CRADD: variants seen among roughly 807,000 people sequenced by gnomAD.
CRADD encodes the protein CARD and death domain containing adaptor protein.
A neutral mutation model predicts 15.5 loss-of-function variants in CRADD; 9 were observed. That is an observed-to-expected ratio of 0.58 (90% confidence interval 0.35 to 1.01). The LOEUF (loss-of-function observed/expected upper bound fraction) is 1.01. CRADD is among the 50% of genes least tolerant of loss of function. The pLI, the probability that CRADD is intolerant of heterozygous loss-of-function variation, is 0.02. For missense variants in CRADD, 227 were observed against 250.3 expected (o/e 0.91, Z 0.63); for synonymous variants, 118 against 107.6 (o/e 1.10, Z -0.60).
chr12:93,684,213 C>T (rs757741986), intron 2 of CRADD, among the ~76,000 whole-genome samples: 1 of 152,196 alleles, frequency 6.6e-6, no homozygotes, highest in Non-Finnish European at 1.5e-5. Flanking sequence ...AACCAGAGGT[C>T]CCCAGCCTTT....
chr12:93,715,963 GAAATACAA>G (rs1393938260), intron 2 of CRADD, among the ~76,000 whole-genome samples: 2 of 151,968 alleles, frequency 1.3e-5, no homozygotes, highest in African/African-American at 4.8e-5. Context: ...CCAACATGGT[GAAATACAA>G]AAATACAAAA....
At chr12:93,765,576 T>G (rs1362682734) in intron 2 of CRADD, among the ~76,000 whole-genome samples, 1 of 151,964 alleles carries the variant, frequency 6.6e-6, no homozygotes, top group East Asian at 1.9e-4. Flanking sequence ...TTATTGAGGG[T>G]GAGAGGGCAT....
intron 2 of CRADD, among the ~76,000 whole-genome samples, chr12:93,797,279 G>T (rs1188313601): frequency 6.6e-6 from 1 of 152,122 alleles, no homozygotes; most frequent in Non-Finnish European, 1.5e-5. Context: ...TCAACTAAAT[G>T]GCATAAAATT....
intron 2 of CRADD, among the ~76,000 whole-genome samples, chr12:93,734,143 C>T (rs747243886): frequency 4.5e-4 from 68 of 152,034 alleles, no homozygotes; most frequent in Middle Eastern, 3.4e-3. Flanking sequence ...TTCATCAGTC[C>T]ATCCATCTGT....
intron 2 of CRADD, among the ~76,000 whole-genome samples, chr12:93,749,429 G>A (rs921546161): frequency 6.6e-6 from 1 of 152,176 alleles, no homozygotes; most frequent in Non-Finnish European, 1.5e-5. Context: ...GCCCCTGAAG[G>A]TTTTTAGGAC....
intron 2 of CRADD, among the ~76,000 whole-genome samples, chr12:93,804,780 A>G (rs1957517929): frequency 6.6e-6 from 1 of 152,114 alleles, no homozygotes; most frequent in South Asian, 2.1e-4. Flanking sequence ...GGAGGAGGAA[A>G]GGATGTAGAC....
At chr12:93,695,669 G>A (rs986923552) in intron 2 of CRADD, among the ~76,000 whole-genome samples, 2 of 152,204 alleles carry the variant, frequency 1.3e-5, no homozygotes, top group South Asian at 4.1e-4. Flanking sequence ...TTGGGAGGCC[G>A]AGGTGGGTGG....
chr12:93,829,029 G>A (rs958176743), intron 2 of CRADD, among the ~76,000 whole-genome samples: 1 of 151,772 alleles, frequency 6.6e-6, no homozygotes, highest in African/African-American at 2.4e-5. Context: ...GAAGTTTATT[G>A]AAAACCCATC....
chr12:93,683,716 T>C (rs998372108), intron 2 of CRADD, among the ~76,000 whole-genome samples: 4 of 152,262 alleles, frequency 2.6e-5, no homozygotes, highest in African/African-American at 9.6e-5. Context: ...CTGAGATACA[T>C]TCTAGCTCTG....
intron 2 of CRADD, among the ~76,000 whole-genome samples, chr12:93,777,091 G>A (rs146875854): frequency 1.1e-4 from 16 of 152,328 alleles, no homozygotes; most frequent in Middle Eastern, 3.4e-3. Flanking sequence ...GCATGGTATA[G>A]GATGGAAAGG....
intron 2 of CRADD, among the ~76,000 whole-genome samples, chr12:93,823,999 C>G (rs754546255): frequency 6.6e-6 from 1 of 152,158 alleles, no homozygotes; most frequent in Non-Finnish European, 1.5e-5. Flanking sequence ...CCCAAACTGA[C>G]AAAATAATGA....
chr12:93,882,388 T>C (rs1593060246), intron 2 of CRADD, among the ~76,000 whole-genome samples: 1 of 129,698 alleles, frequency 7.7e-6, no homozygotes, highest in African/African-American at 3.1e-5. Flanking sequence ...GCCACTGTAC[T>C]CCAGCCAGGG....
rs185065755 is a variant in CRADD, at chr12:93,744,340, T to C, written c.298+65268T>C. 2.6e-5 allele frequency among the ~76,000 whole-genome samples: 4 copies of C among 152,290 alleles called. No homozygotes were observed. The East Asian group carries it at 7.7e-4, about 29-fold the overall frequency. On this transcript the variant is annotated intron_variant, in intron 2 of 2. Transcript: ENST00000332896. ...ACTAACTGCTGGCTGTTACCAAGGG[T>C]CTTCTAGAGGTTGCCCATCTACATC...
At chr12:93,686,758 G>A (rs1207095981) in intron 2 of CRADD, among the ~76,000 whole-genome samples, 4 of 152,174 alleles carry the variant, frequency 2.6e-5, no homozygotes, top group African/African-American at 9.7e-5. Context: ...GCTAGTTAAT[G>A]TAATTTATTA....
chr12:93,751,576 T>C (rs1487155650), intron 2 of CRADD, among the ~76,000 whole-genome samples: 4 of 152,178 alleles, frequency 2.6e-5, no homozygotes, highest in Non-Finnish European at 5.9e-5. Flanking sequence ...CTAAATCCTT[T>C]ATCTTGGGCC....
At chr12:93,702,006 C>T (rs1162950111) in intron 2 of CRADD, among the ~76,000 whole-genome samples, 1 of 151,864 alleles carries the variant, frequency 6.6e-6, no homozygotes, top group Non-Finnish European at 1.5e-5. Flanking sequence ...TGATCTTTCT[C>T]CATGTTTTAA....
chr12:93,703,978 CTT>C (rs71071759), intron 2 of CRADD, among the ~76,000 whole-genome samples: 1 of 90,278 alleles, frequency 1.1e-5, no homozygotes, highest in Non-Finnish European at 2.2e-5. Context: ...TGGAGCCTTT[CTT>C]TTTTTTTTTT....
At chr12:93,700,896 A>G (rs935876851) in intron 2 of CRADD, among the ~76,000 whole-genome samples, 7 of 152,056 alleles carry the variant, frequency 4.6e-5, no homozygotes, top group Admixed American at 3.3e-4. Context: ...AAGCCTTCCC[A>G]TACCTTCTAT....
intron 2 of CRADD, among the ~76,000 whole-genome samples, chr12:93,732,085 G>A (rs554091593): frequency 2.4e-4 from 36 of 151,280 alleles, no homozygotes; most frequent in Admixed American, 3.9e-4. Context: ...GCGGTGAGCC[G>A]AGATGGCACC....
Sources: gnomAD v4.1 joint callset for allele counts (sites outside exome capture counted in the v4.1 genomes callset) on GRCh38, gnomAD v4.1.1 for gene constraint, MANE v1.5 for transcripts, NCBI Gene and HGNC (gene_info 2026-07-23, HGNC 2026-07-21) for gene names.